The following ASAP3 variants were observed in gnomAD, a reference collection of about 807,000 sequenced individuals.
ASAP3 encodes the protein ArfGAP with SH3 domain, ankyrin repeat and PH domain 3, also known as arf-GAP with SH3 domain, ANK repeat and PH domain-containing protein 3.
ASAP3 carries 85 observed loss-of-function variants against 118.2 expected under a neutral mutation model. That is an observed-to-expected ratio of 0.72 (90% CI 0.60 to 0.86). The LOEUF (loss-of-function observed/expected upper bound fraction) is 0.86, where lower values mean the gene tolerates loss of function less well. Ranked by LOEUF, ASAP3 falls within the 40% of genes least tolerant of loss-of-function variation. The probability of loss-of-function intolerance (pLI) is 0.00; values close to 1 mark genes in which losing one functional copy is unlikely to be tolerated. For missense variants in ASAP3, 1,026 were observed against 1,175.0 expected (o/e 0.87, Z 1.85); for synonymous variants, 432 against 477.4 (o/e 0.90, Z 1.24).
At chr1:23,439,945 G>A (rs1640803622) in intron 10 of ASAP3, among the ~76,000 whole-genome samples, 1 of 151,976 alleles carries the variant, frequency 6.6e-6, no homozygotes, top group Non-Finnish European at 1.5e-5. Context: ...CTCCCAAGCA[G>A]CTGGGACTAC....
At chr1:23,441,061 G>C in intron 10 of ASAP3, 41 bp downstream of exon 10, 2 of 1,572,156 alleles carry the variant, frequency 1.3e-6, no homozygotes, top group Non-Finnish European at 1.8e-6. Context: ...TTTACTTGCA[G>C]TGTGACATTG....
Position 23,436,615 on chromosome 1 carries a change from T to C in ASAP3, c.1516A>G (p.Met506Val). ...NMGNTSFNEV[M>V]EAQLPSHGGP... ...CCGTGTGAGGGTAGCTGGGCCTCCA[T>C]GACCTCATTGAAGCTCGTGTTTCCC... The change falls in exon 16 of 25, where the codon ATG becomes GTG. Residue 506 changes from methionine (M) to valine (V), a missense_variant. Coordinates refer to ENST00000336689, the MANE Select transcript of ASAP3 (RefSeq NM_017707.4). The surrounding 1 kb of genome is among the most constrained non-coding windows in gnomAD (Gnocchi z 4.2). The C allele has an allele frequency of 6.2e-7, 1 of 1,614,214 alleles. No individual in the cohort carries two copies.
At chr1:23,432,940 G>A in intron 22 of ASAP3, 137 bp downstream of exon 22, 1 of 872,942 alleles carries the variant, frequency 1.1e-6, no homozygotes, top group Non-Finnish European at 1.8e-6. Context: ...TATCTGTAAG[G>A]GGAAGATGAG....
At chr1:23,464,669 A>T (rs1373006996) in intron 1 of ASAP3, among the ~76,000 whole-genome samples, 20 of 128,442 alleles carry the variant, frequency 1.6e-4, no homozygotes, top group African/African-American at 4.2e-4. Flanking sequence ...TAAAAAAAAA[A>T]AAAAAAAAAA....
rs10664798 is a variant in ASAP3, at chr1:23,473,974, C to CTTTTTTTTTTTT, written c.129+10019_129+10030dup. On this transcript the variant is annotated intron_variant, in intron 1 of 24. Transcript: ENST00000336689. Reference sequence around the variant, plus strand: ...AGGCGAAAATGGCATTAAATCTGCTCTTTTTTTTTTTTTTTTTTTTTTTTG... The same window carrying CTTTTTTTTTTTT: ...AGGCGAAAATGGCATTAAATCTGCTCTTTTTTTTTTTTTTTTTTTTTTTTTTTTTTTTTTTTG... 1.5e-4 allele frequency among the ~76,000 whole-genome samples: 11 copies of CTTTTTTTTTTTT among 72,108 alleles called. 1 individual carries two copies. Among genetic ancestry groups the CTTTTTTTTTTTT allele is most frequent in the Admixed American group, 6.6e-4 (3 of 4,532 alleles). The allele number at this position is 72,108 out of a possible 152,430, so 47.3% of individuals were successfully genotyped here. A position where few individuals can be genotyped will look rare whatever the true frequency, so the allele number is the denominator to read the frequency against.
intron 7 of ASAP3, 23 bp downstream of exon 7, chr1:23,442,162 GC>G (rs1403204803): frequency 6.3e-7 from 1 of 1,577,660 alleles, no homozygotes; most frequent in African/African-American, 1.3e-5. Context: ...AGGGTTAGTG[GC>G]AGGGACGCGG....
chr1:23,482,183 G>C (rs556330664), intron 1 of ASAP3, among the ~76,000 whole-genome samples: 2 of 152,360 alleles, frequency 1.3e-5, no homozygotes, highest in South Asian at 4.1e-4. Flanking sequence ...CCCAATCACT[G>C]TCTAAAGAGA....
chr1:23,436,057 G>A lies in ASAP3; in HGVS notation c.1572-29C>T, dbSNP rs1357171520. 1.9e-6 allele frequency: 3 copies of A among 1,612,080 alleles called. No homozygotes were observed. Among genetic ancestry groups the A allele is most frequent in the Admixed American group, 1.7e-5 (1 of 60,020 alleles). ...CCAAAAACAACCACAGGATCTCAGA[G>A]CATGGACCGTGTCTGCCCAGCTGAT... On this transcript the variant is annotated intron_variant, in intron 16 of 24. Transcript: ENST00000336689. The surrounding 1 kb of genome is among the most constrained non-coding windows in gnomAD (Gnocchi z 4.2).
intron 5 of ASAP3, among the ~76,000 whole-genome samples, chr1:23,450,440 TA>T (rs1282774089): frequency 6.6e-6 from 1 of 152,234 alleles, no homozygotes; most frequent in East Asian, 1.9e-4. Context: ...AGTATGTTGT[TA>T]TGATCTCATT....
At chr1:23,441,530 C>T (rs544778030) in intron 8 of ASAP3, 57 bp from the exon 9 acceptor site, 1 of 1,606,068 alleles carries the variant, frequency 6.2e-7, no homozygotes, top group South Asian at 1.1e-5. Context: ...AGGCACAGAG[C>T]CCAGACCCAG....
At chr1:23,475,951 T>C (rs1372211719) in intron 1 of ASAP3, among the ~76,000 whole-genome samples, 2 of 149,720 alleles carry the variant, frequency 1.3e-5, no homozygotes, top group Admixed American at 6.7e-5. Context: ...AGACCCTGTC[T>C]CTAAAAAACA....
intron 1 of ASAP3, among the ~76,000 whole-genome samples, chr1:23,465,341 G>A (rs769948767): frequency 1.3e-5 from 2 of 152,222 alleles, no homozygotes; most frequent in South Asian, 4.1e-4. Context: ...CATGTCCCAA[G>A]TGCCTGCTCT....
In ASAP3 at chr1:23,437,115, G is replaced by GC. The variant is rs749096707; in HGVS notation, c.1342+14dup. 2 of 1,601,232 alleles carry GC rather than the reference G, an allele frequency of 1.2e-6. No homozygotes were observed. The highest frequency in any genetic ancestry group is 1.7e-6 in the Non-Finnish European group (2 of 1,173,556). ...CCACTTAAGCCTCCCTCCTGCCCCG[G>GC]CCCCGGGGACCGACCTGCAGCCCCG... is the stretch of plus-strand genomic sequence containing the variant. On this transcript the variant is annotated intron_variant, in intron 14 of 24. Transcript: ENST00000336689. The surrounding 1 kb of genome is among the most constrained non-coding windows in gnomAD (Gnocchi z 6.1).
chr1:23,471,328 C>T (rs983738450), intron 1 of ASAP3, among the ~76,000 whole-genome samples: 3 of 152,162 alleles, frequency 2.0e-5, no homozygotes, highest in African/African-American at 7.2e-5. Context: ...TCCTGCCTAC[C>T]TTTATTCCAT....
intron 1 of ASAP3, among the ~76,000 whole-genome samples, chr1:23,476,193 A>T (rs909913229): frequency 2.0e-5 from 3 of 151,930 alleles, no homozygotes; most frequent in African/African-American, 7.3e-5. Flanking sequence ...TAAAAATACA[A>T]AAATTAGCTG....
intron 5 of ASAP3, among the ~76,000 whole-genome samples, chr1:23,447,587 T>C (rs978053976): frequency 2.6e-5 from 4 of 152,180 alleles, no homozygotes; most frequent in African/African-American, 7.2e-5. Flanking sequence ...ATATAATGCA[T>C]AGGAAACAGT....
chr1:23,441,122 A>G lies in ASAP3; in HGVS notation c.924T>C (p.Phe308=). 6.2e-7 allele frequency: 1 copy of G among 1,614,198 alleles called. No homozygotes were observed. Among genetic ancestry groups the G allele is most frequent in the Non-Finnish European group, 8.5e-7 (1 of 1,180,026 alleles). The change falls in exon 10 of 25, where the codon TTT becomes TTC. Residue 308 remains phenylalanine, a synonymous_variant. Coordinates refer to ENST00000336689, the MANE Select transcript of ASAP3 (RefSeq NM_017707.4). ...NKQFGTEKVG[F]LYKKSDGIRR... ...CTTACCCGTCACTTTTCTTGTATAG[A>G]AAGCCCACTTTCTCCGTCCCAAACT...
At chr1:23,430,201 G>A (rs963811841) in intron 24 of ASAP3, among the ~76,000 whole-genome samples, 4 of 152,168 alleles carry the variant, frequency 2.6e-5, no homozygotes, top group Admixed American at 2.0e-4. Flanking sequence ...AGTGGAACCA[G>A]AATATGGACA....
Position 23,438,905 on chromosome 1 carries a change from C to A in ASAP3, c.1015-71G>T. 2.0e-6 allele frequency: 3 copies of A among 1,465,756 alleles called. No individual in the cohort carries two copies. Among genetic ancestry groups the A allele is most frequent in the South Asian group, 1.1e-5 (1 of 87,656 alleles). 90.8% of individuals were successfully genotyped at this position (1,465,756 alleles called of 1,614,324 possible). On this transcript the variant is annotated intron_variant, in intron 11 of 24. Coordinates refer to ENST00000336689, the MANE Select transcript of ASAP3 (RefSeq NM_017707.4). This position sits in a 1 kb window ranked among gnomAD's most constrained non-coding sequence, Gnocchi z 4.9. ...TCCACATTCTTTAGGCCTCCATTTC[C>A]CACTCTGTTAAATGGGCATAATCAT...
Sources: gnomAD v4.1 joint callset for allele counts (sites outside exome capture counted in the v4.1 genomes callset) on GRCh38, gnomAD v4.1.1 for gene constraint, Gnocchi (gnomAD v3.1) non-coding constraint, MANE v1.5 for transcripts, NCBI Gene and HGNC (gene_info 2026-07-23, HGNC 2026-07-21) for gene names.